Variants in DGKH observed in about 807,000 individuals in gnomAD.
DGKH encodes DAG kinase eta.
In DGKH, 90 loss-of-function variants were observed where a neutral mutation model predicts 159.3. The ratio of observed to expected loss-of-function variants is 0.57; its 90% CI spans 0.48 to 0.67. The LOEUF is 0.67. Among genes scored for constraint, DGKH ranks in the 30% least tolerant of loss-of-function variants. The pLI, the probability that DGKH is intolerant of heterozygous loss-of-function variation, is 0.00. For synonymous variants in DGKH, 536 were observed against 553.8 expected (o/e 0.97, Z 0.45); for missense variants, 1,181 against 1,506.1 (o/e 0.78, Z 3.57).
At position 42,202,253 on chromosome 13, in the gene DGKH, T is replaced by C. The variant is rs74621841; in HGVS notation, c.2493+2344T>C. On this transcript the variant is annotated intron_variant, in intron 20 of 29. Coordinates refer to ENST00000337343, the MANE Select transcript of DGKH (RefSeq NM_178009.5). Reference sequence around the variant, plus strand: ...GTAACAATAAAGTAAACCAAAAAGATACATTCTACTTCTAAAGACGATGGA... The same window carrying C: ...GTAACAATAAAGTAAACCAAAAAGACACATTCTACTTCTAAAGACGATGGA... Among the ~76,000 whole-genome samples, 445 of 152,274 alleles carry C rather than the reference T, an allele frequency of 2.9e-3. 5 individuals are homozygous for C. The highest frequency in any genetic ancestry group is 0.01 in the African/African-American group (425 of 41,550).
chr13:42,234,314 A>G lies in DGKH; in HGVS notation c.*5126A>G, dbSNP rs1958369824. Reference sequence around the variant, plus strand: ...TGGAACTTATTTTTAACAGGAATCAAGGAAGAAAATATTCATGCAGAGCTA... The same window carrying G: ...TGGAACTTATTTTTAACAGGAATCAGGGAAGAAAATATTCATGCAGAGCTA... On this transcript the variant is annotated 3_prime_UTR_variant, in exon 30 of 30. Transcript: ENST00000337343. 1 of 152,208 alleles carries G rather than the reference A, an allele frequency of 6.6e-6. No individual in the cohort carries two copies. Among genetic ancestry groups the G allele is most frequent in the African/African-American group, 2.4e-5 (1 of 41,462 alleles). 9.4% of individuals were successfully genotyped at this position (152,208 alleles called of 1,614,324 possible). A position where few individuals can be genotyped will look rare whatever the true frequency, so the allele number is the denominator to read the frequency against.
intron 26 of DGKH, among the ~76,000 whole-genome samples, chr13:42,217,761 C>T (rs763917510): frequency 5.3e-5 from 8 of 152,280 alleles, no homozygotes; most frequent in Non-Finnish European, 7.4e-5. Flanking sequence ...CGGCCAGGCT[C>T]AGTGGCTCAC....
At chr13:42,227,816 AAG>A (rs974020855) in intron 29 of DGKH, among the ~76,000 whole-genome samples, 1 of 152,222 alleles carries the variant, frequency 6.6e-6, no homozygotes, top group East Asian at 1.9e-4. Flanking sequence ...AAACGAGAGA[AAG>A]AGAGAGACAA....
At chr13:42,047,362 C>G (rs2324849), upstream of DGKH, among the ~76,000 whole-genome samples, 56,216 of 151,810 alleles carry the variant, frequency 0.37, 11,452 homozygotes, top group African/African-American at 0.55. Context: ...TTTGGAGGAA[C>G]CTTAAAGGTC....
rs1460557832 is a variant in DGKH, at chr13:42,219,753, A to G, written c.3401A>G (p.Lys1134Arg). 1.9e-6 allele frequency: 3 copies of G among 1,613,718 alleles called. No homozygotes were observed. Among genetic ancestry groups the G allele is most frequent in the Non-Finnish European group, 2.5e-6 (3 of 1,179,818 alleles). ...GTATTTCGAATAGTGCCAAAGTTTA[A>G]AAAGGAAAAGGTTCAGAAGCAGAAG... ...STVFRIVPKF[K>R]KEKVQKQKTS... The change falls in exon 28 of 30, where the codon AAA (lysine) becomes AGA (arginine). Residue 1134 changes from lysine (K) to arginine (R), a missense_variant. Transcript: ENST00000337343.
chr13:42,076,095 C>T (rs1954093394), intron 1 of DGKH, among the ~76,000 whole-genome samples: 1 of 152,006 alleles, frequency 6.6e-6, no homozygotes, highest in Admixed American at 6.6e-5. Flanking sequence ...AAATATTGTG[C>T]AAGTGTATTT....
chr13:42,210,105 A>C (rs1183515721), intron 23 of DGKH, among the ~76,000 whole-genome samples: 1 of 151,020 alleles, frequency 6.6e-6, no homozygotes, highest in Non-Finnish European at 1.5e-5. Flanking sequence ...CATCTAGTAT[A>C]TATAAAATAG....
chr13:42,056,606 G>A (rs950224657), intron 1 of DGKH, among the ~76,000 whole-genome samples: 1 of 152,092 alleles, frequency 6.6e-6, no homozygotes, highest in African/African-American at 2.4e-5. Context: ...GCTGAGTAAC[G>A]GACAAAGCTG....
chr13:42,252,811 G>A (rs976668382), intron 30 of DGKH, among the ~76,000 whole-genome samples: 1 of 151,378 alleles, frequency 6.6e-6, no homozygotes, highest in East Asian at 1.9e-4. Context: ...GCAGTAGTGC[G>A]ATCTCAGCTC....
intron 1 of DGKH, among the ~76,000 whole-genome samples, chr13:42,076,290 C>T (rs927655743): frequency 5.3e-5 from 8 of 151,994 alleles, no homozygotes; most frequent in Admixed American, 3.3e-4. Context: ...TCTTTATTGG[C>T]GTAAAGAATA....
rs532035686 is a variant in DGKH, at chr13:42,200,973, G to A, written c.2493+1064G>A. ...TTTTTTTCTTCATGTACCCCGGTTG[G>A]CCACATTCTTTTTATTTATTTATTT... On this transcript the variant is annotated intron_variant, in intron 20 of 29. Transcript: ENST00000337343. Among the ~76,000 whole-genome samples the A allele has an allele frequency of 1.2e-4, 17 of 144,616 alleles. No homozygotes were observed. The East Asian group carries it at 3.2e-3, about 27-fold the overall frequency. 94.9% of individuals were successfully genotyped at this position (144,616 alleles called of 152,430 possible). A position where few individuals can be genotyped will look rare whatever the true frequency, so the allele number is the denominator to read the frequency against.
chr13:42,084,404 A>G (rs1446622388), intron 1 of DGKH, among the ~76,000 whole-genome samples: 1 of 152,130 alleles, frequency 6.6e-6, no homozygotes, highest in Non-Finnish European at 1.5e-5. Context: ...TCAGTGTTGT[A>G]TATAAGAGTG....
intron 11 of DGKH, among the ~76,000 whole-genome samples, chr13:42,172,018 C>T (rs1190913621): frequency 2.5e-4 from 38 of 151,568 alleles, no homozygotes; most frequent in African/African-American, 7.8e-4. Flanking sequence ...TTAGTAGAGA[C>T]GGGGTTTCAC....
rs1342754502 is a variant in DGKH at position 42,239,692 on chromosome 13, ACTCTTT to A, written c.*10506_*10511del. 2.6e-5 allele frequency: 4 copies of A among 151,748 alleles called. No homozygotes were observed. The East Asian group carries it at 5.8e-4, about 22-fold the overall frequency. 9.4% of individuals were successfully genotyped at this position (151,748 alleles called of 1,614,324 possible). A position where few individuals can be genotyped will look rare whatever the true frequency, so the allele number is the denominator to read the frequency against. Reference sequence around the variant, plus strand: ...TCCAGCAACTAGTTTTTCTACTTTCACTCTTTCCCACCAGAGTGGTCTCTCTAAAAC... The same window carrying A: ...TCCAGCAACTAGTTTTTCTACTTTCACCCACCAGAGTGGTCTCTCTAAAAC... On this transcript the variant is annotated 3_prime_UTR_variant, in exon 30 of 30. Transcript: ENST00000337343.
intron 1 of DGKH, among the ~76,000 whole-genome samples, chr13:42,063,315 A>G (rs573123347): frequency 6.6e-6 from 1 of 152,310 alleles, no homozygotes; most frequent in Non-Finnish European, 1.5e-5. Context: ...AACAGCTGAC[A>G]CATTCCAGCT....
chr13:42,096,122 G>A (rs762815628), intron 1 of DGKH, among the ~76,000 whole-genome samples: 2 of 151,970 alleles, frequency 1.3e-5, no homozygotes, highest in East Asian at 3.9e-4. Context: ...ATGTTCAGGG[G>A]GGTCCATGTG....
intron 1 of DGKH, among the ~76,000 whole-genome samples, chr13:42,091,258 A>AG (rs763682815): frequency 1.3e-5 from 2 of 152,190 alleles, no homozygotes; most frequent in Non-Finnish European, 2.9e-5. Context: ...AGATTTAGCA[A>AG]TGACTTCTTG....
chr13:42,124,358 T>A (rs1273034380), intron 1 of DGKH, among the ~76,000 whole-genome samples: 1 of 152,212 alleles, frequency 6.6e-6, no homozygotes, highest in African/African-American at 2.4e-5. Flanking sequence ...TTCCCCTTTT[T>A]AAAAATACCT....
In DGKH at chr13:42,170,547, TAC is replaced by T. The variant is rs200895390; in HGVS notation, c.1367+1739_1367+1740del. Among the ~76,000 whole-genome samples the T allele has an allele frequency of 3.8e-3, 583 of 151,866 alleles. 13 individuals carry two copies. The highest frequency in any genetic ancestry group is 0.031 in the Admixed American group (470 of 15,270). ...AAAATCAAAACAAAACAAAAGAAAA[TAC>T]ACACACACAAAAATCAAAGTGGATT... On this transcript the variant is annotated intron_variant, in intron 11 of 29. Coordinates refer to ENST00000337343, the MANE Select transcript of DGKH (RefSeq NM_178009.5).
Sources: gnomAD v4.1 joint callset for allele counts (sites outside exome capture counted in the v4.1 genomes callset) on GRCh38, gnomAD v4.1.1 for gene constraint, MANE v1.5 for transcripts, NCBI Gene and HGNC (gene_info 2026-07-23, HGNC 2026-07-21) for gene names.